Variants in THSD7B observed in about 807,000 individuals in gnomAD.
THSD7B encodes the protein thrombospondin type-1 domain-containing protein 7B.
THSD7B carries 138 observed loss-of-function variants against 213.6 expected under a neutral mutation model. The ratio of observed to expected loss-of-function variants is 0.65; its 90% CI spans 0.56 to 0.74. The LOEUF (loss-of-function observed/expected upper bound fraction) is 0.74. THSD7B is among the 30% of genes least tolerant of loss of function. The probability of loss-of-function intolerance (pLI) is 0.00; values close to 1 mark genes in which losing one functional copy is unlikely to be tolerated. For synonymous variants in THSD7B, 742 were observed against 687.0 expected (o/e 1.08, Z -1.25); for missense variants, 1,931 against 1,991.5 (o/e 0.97, Z 0.58).
intron 1 of THSD7B, among the ~76,000 whole-genome samples, chr2:136,826,710 G>A (rs945479919): frequency 5.9e-5 from 9 of 152,120 alleles, no homozygotes; most frequent in Admixed American, 2.0e-4. Context: ...AAAGAGAGGC[G>A]ATGAATTTCA....
At chr2:137,119,501 T>C (rs1688507539) in intron 5 of THSD7B, among the ~76,000 whole-genome samples, 1 of 152,178 alleles carries the variant, frequency 6.6e-6, no homozygotes, top group South Asian at 2.1e-4. Flanking sequence ...TAAAAGGAGC[T>C]TGGAGAGTCC....
intron 1 of THSD7B, among the ~76,000 whole-genome samples, chr2:136,814,050 C>T (rs1199102188): frequency 6.6e-6 from 1 of 152,140 alleles, no homozygotes; most frequent in Non-Finnish European, 1.5e-5. Flanking sequence ...TGTTCTGTTG[C>T]ATGCACTCTC....
intron 9 of THSD7B, among the ~76,000 whole-genome samples, chr2:137,242,008 T>A (rs10490736): frequency 0.25 from 38,157 of 152,156 alleles, 5,184 homozygotes; most frequent in East Asian, 0.48. Flanking sequence ...TTTTTAAGTG[T>A]CCATCAAAGA....
intron 12 of THSD7B, among the ~76,000 whole-genome samples, chr2:137,356,580 A>G (rs959382227): frequency 6.6e-6 from 1 of 152,200 alleles, no homozygotes; most frequent in Non-Finnish European, 1.5e-5. Flanking sequence ...TTTGGCTAAT[A>G]GGACGTTGGT....
intron 4 of THSD7B, among the ~76,000 whole-genome samples, chr2:137,104,078 C>T (rs1688200990): frequency 6.6e-6 from 1 of 151,762 alleles, no homozygotes; most frequent in Non-Finnish European, 1.5e-5. Flanking sequence ...ACAGAATATA[C>T]ATTCTTCTCA....
In THSD7B at chr2:137,121,324, G is replaced by C. The variant is rs550505242; in HGVS notation, c.1369+6031G>C. On this transcript the variant is annotated intron_variant, in intron 5 of 27. Transcript: ENST00000409968. Reference sequence around the variant, plus strand: ...GGAGAAAGCCTAGCACTGAGTAGAGGTTGCTCTGGGAAAAATAAATGGCTT... The same window carrying C: ...GGAGAAAGCCTAGCACTGAGTAGAGCTTGCTCTGGGAAAAATAAATGGCTT... Among the ~76,000 whole-genome samples the C allele has an allele frequency of 2.0e-5, 3 of 152,248 alleles. 1 individual carries two copies. Among genetic ancestry groups the C allele is most frequent in the African/African-American group, 7.2e-5 (3 of 41,542 alleles).
At chr2:136,806,307 T>C (rs866218765) in intron 1 of THSD7B, among the ~76,000 whole-genome samples, 1 of 152,200 alleles carries the variant, frequency 6.6e-6, no homozygotes, top group Non-Finnish European at 1.5e-5. Flanking sequence ...AATTCCACCT[T>C]CCCAACTCCT....
chr2:137,312,469 G>A (rs371234414), intron 12 of THSD7B, among the ~76,000 whole-genome samples: 2,656 of 145,826 alleles, frequency 0.018, 95 homozygotes, highest in African/African-American at 0.068. Flanking sequence ...TCCTGGATTC[G>A]TTAATTTTTT....
chr2:136,814,174 T>A (rs1030222829), intron 1 of THSD7B, among the ~76,000 whole-genome samples: 1 of 152,240 alleles, frequency 6.6e-6, no homozygotes, highest in Non-Finnish European at 1.5e-5. Context: ...TAAATTGCTT[T>A]GTTCCTAGAT....
intron 15 of THSD7B, among the ~76,000 whole-genome samples, chr2:137,559,132 A>C (rs1324506365): frequency 6.6e-6 from 1 of 152,204 alleles, no homozygotes; most frequent in Non-Finnish European, 1.5e-5. Flanking sequence ...GAAAATGGCC[A>C]TACTGCCCAA....
intron 12 of THSD7B, among the ~76,000 whole-genome samples, chr2:137,343,715 A>T (rs753256756): frequency 6.6e-5 from 10 of 151,836 alleles, no homozygotes; most frequent in Non-Finnish European, 1.5e-4. Context: ...GAATGTCTGC[A>T]CTAAAAGACA....
intron 3 of THSD7B, among the ~76,000 whole-genome samples, chr2:137,079,285 T>G (rs531203609): frequency 1.3e-5 from 2 of 152,324 alleles, no homozygotes; most frequent in Admixed American, 1.3e-4. Context: ...TAATCTTTAC[T>G]ATTTTTCTTC....
chr2:137,259,079 C>G (rs1682377367), intron 10 of THSD7B, among the ~76,000 whole-genome samples: 1 of 152,168 alleles, frequency 6.6e-6, no homozygotes, highest in African/African-American at 2.4e-5. Context: ...TTTATCCAGT[C>G]TATCATTGAT....
At chr2:137,062,133 G>A (rs1483664381) in intron 3 of THSD7B, among the ~76,000 whole-genome samples, 1 of 151,708 alleles carries the variant, frequency 6.6e-6, no homozygotes, top group Non-Finnish European at 1.5e-5. Context: ...GGGACATAGA[G>A]TTGTTCATAA....
rs147355013 is a variant in THSD7B at position 137,353,822 on chromosome 2, A to G, written c.2501-51791A>G. 4.9e-3 allele frequency among the ~76,000 whole-genome samples: 751 copies of G among 152,224 alleles called. 2 individuals are homozygous for G. The highest frequency in any genetic ancestry group is 7.5e-3 in the Non-Finnish European group (509 of 68,012). On this transcript the variant is annotated intron_variant, in intron 12 of 27. Transcript: ENST00000409968. ...ATGTCATGCCATCCCTATTTTACAT[A>G]CTTCAGGAGATTCCACATGTGATTG...
intron 7 of THSD7B, among the ~76,000 whole-genome samples, chr2:137,194,339 A>G (rs1231710302): frequency 6.6e-6 from 1 of 152,188 alleles, no homozygotes; most frequent in Non-Finnish European, 1.5e-5. Flanking sequence ...CCACAAGGGA[A>G]AAAGAGACTT....
intron 5 of THSD7B, among the ~76,000 whole-genome samples, chr2:137,158,612 C>T (rs1166525655): frequency 6.6e-6 from 1 of 151,960 alleles, no homozygotes; most frequent in Non-Finnish European, 1.5e-5. Context: ...GCTCAGGTTG[C>T]CTCATTGTTC....
chr2:136,915,943 A>G (rs1684341288), intron 2 of THSD7B, among the ~76,000 whole-genome samples: 1 of 152,224 alleles, frequency 6.6e-6, no homozygotes, highest in Non-Finnish European at 1.5e-5. Context: ...TACTTGAAGT[A>G]CATTTTAAAA....
chr2:136,949,296 A>G (rs77353747), intron 2 of THSD7B, among the ~76,000 whole-genome samples: 1,849 of 152,326 alleles, frequency 0.012, 36 homozygotes, highest in African/African-American at 0.043. Flanking sequence ...TTTAAGAGCA[A>G]CTGTGTGATT....
Sources: allele counts gnomAD v4.1 joint callset (sites outside exome capture counted in the v4.1 genomes callset), GRCh38; gene constraint gnomAD v4.1.1; transcripts MANE v1.5; gene names NCBI Gene and HGNC (gene_info 2026-07-23, HGNC 2026-07-21).